Variants in IQGAP2 observed in about 807,000 individuals in gnomAD.
IQGAP2 encodes the protein IQ motif containing GTPase activating protein 2.
A neutral mutation model predicts 201.3 loss-of-function variants in IQGAP2; 173 were observed. The ratio of observed to expected loss-of-function variants is 0.86; its 90% CI spans 0.76 to 0.98. The LOEUF is 0.98. Among genes scored for constraint, IQGAP2 ranks in the 50% least tolerant of loss-of-function variants. IQGAP2 has a pLI of 0.00. For synonymous variants in IQGAP2, 675 were observed against 673.9 expected, an observed-to-expected ratio of 1.00 and a Z score of -0.03; for missense variants, 1,687 against 1,864.8, an observed-to-expected ratio of 0.90 and a Z score of 1.76.
intron 1 of IQGAP2, among the ~76,000 whole-genome samples, chr5:76,450,277 C>G (rs751002875): frequency 6.6e-6 from 1 of 152,166 alleles, no homozygotes; most frequent in Non-Finnish European, 1.5e-5. Context: ...TCTTGCCAAC[C>G]CAACTCCCTT....
chr5:76,509,984 C>CTTTTTTTTTTTTTTTTTTTTTTTTTTTT (rs11331690), intron 2 of IQGAP2, among the ~76,000 whole-genome samples: 1 of 138,054 alleles, frequency 7.2e-6, no homozygotes, highest in African/African-American at 2.7e-5. Context: ...AATTTTCTTT[C>CTTTTTTTTTTTTTTTTTTTTTTTTTTTT]TTTTTTTTTT....
At chr5:76,647,886 C>T (rs990607455) in intron 17 of IQGAP2, among the ~76,000 whole-genome samples, 7 of 151,802 alleles carry the variant, frequency 4.6e-5, no homozygotes, top group East Asian at 1.9e-4. Flanking sequence ...ACCTAGGCAG[C>T]AAAGCCTGAA....
At chr5:76,459,240 TGTG>T (rs1754283806) in intron 1 of IQGAP2, among the ~76,000 whole-genome samples, 2 of 152,286 alleles carry the variant, frequency 1.3e-5, no homozygotes, top group South Asian at 4.1e-4. Context: ...TGGAGGCAGT[TGTG>T]GGCAGAGGCC....
chr5:76,620,835 G>A (rs772580250), intron 13 of IQGAP2, among the ~76,000 whole-genome samples: 20 of 152,176 alleles, frequency 1.3e-4, no homozygotes, highest in Non-Finnish European at 2.8e-4. Flanking sequence ...TTAAAAGATA[G>A]AAACACATCA....
At chr5:76,559,678 C>T (rs1481069222) in intron 2 of IQGAP2, among the ~76,000 whole-genome samples, 1 of 152,152 alleles carries the variant, frequency 6.6e-6, no homozygotes, top group Non-Finnish European at 1.5e-5. Flanking sequence ...CCAATAATGT[C>T]GTTTCATTCG....
At chr5:76,447,075 A>T (rs1561377863) in intron 1 of IQGAP2, among the ~76,000 whole-genome samples, 1 of 151,818 alleles carries the variant, frequency 6.6e-6, no homozygotes, top group South Asian at 2.1e-4. Flanking sequence ...GCATAGCCCA[A>T]TTCAGCAGGA....
intron 12 of IQGAP2, among the ~76,000 whole-genome samples, chr5:76,610,096 ATATATATATATATATATATTTTTTTTTT>A (rs1561506124): frequency 3.5e-4 from 4 of 11,494 alleles, no homozygotes; most frequent in Middle Eastern, 0.05. Context: ...ATATATATAT[ATATATATATATATATATATTTTTTTTTT>A]TTTTTTTTTT....
intron 34 of IQGAP2, 115 bp downstream of exon 34, chr5:76,701,328 G>A: frequency 4.2e-6 from 4 of 947,376 alleles, no homozygotes; most frequent in Non-Finnish European, 6.6e-6. Context: ...TGGGTGACAA[G>A]GGAAGAATAC....
At chr5:76,404,754 T>C (rs1382948652) in intron 1 of IQGAP2, among the ~76,000 whole-genome samples, 1 of 152,258 alleles carries the variant, frequency 6.6e-6, no homozygotes, top group Non-Finnish European at 1.5e-5. Flanking sequence ...GACTACAGCC[T>C]CTGTACTCTA....
chr5:76,579,795 CTTAG>C (rs1457974452), intron 5 of IQGAP2, among the ~76,000 whole-genome samples: 2 of 152,106 alleles, frequency 1.3e-5, no homozygotes, highest in African/African-American at 2.4e-5. Context: ...CCTGCCTCCA[CTTAG>C]TTAGTGGATG....
chr5:76,572,280 C>T (rs907335557), intron 4 of IQGAP2, among the ~76,000 whole-genome samples: 35 of 147,712 alleles, frequency 2.4e-4, no homozygotes, highest in African/African-American at 7.5e-4. Context: ...TTGGCACAAT[C>T]TCGGCTCACT....
intron 1 of IQGAP2, among the ~76,000 whole-genome samples, chr5:76,404,188 C>T (rs903234976): frequency 3.3e-5 from 5 of 152,148 alleles, no homozygotes; most frequent in African/African-American, 1.2e-4. Flanking sequence ...CTTTCCCCCC[C>T]GCTCCCCTCG....
intron 30 of IQGAP2, among the ~76,000 whole-genome samples, chr5:76,691,985 C>T (rs1746299947): frequency 6.6e-6 from 1 of 152,196 alleles, no homozygotes; most frequent in African/African-American, 2.4e-5. Context: ...AAAAATTAGT[C>T]ATTCAGTGAT....
At chr5:76,706,707 C>T (rs547940485) in intron 35 of IQGAP2, among the ~76,000 whole-genome samples, 41 of 152,258 alleles carry the variant, frequency 2.7e-4, no homozygotes, top group East Asian at 7.7e-4. Context: ...TTAACATTTT[C>T]GATTAAAAAT....
At chr5:76,464,108 A>G (rs1754642650) in intron 2 of IQGAP2, among the ~76,000 whole-genome samples, 1 of 152,120 alleles carries the variant, frequency 6.6e-6, no homozygotes, top group Admixed American at 6.6e-5. Flanking sequence ...TCGGCTCCCA[A>G]AGTGCTGGGA....
At chr5:76,567,050 G>A (rs1389332556) in intron 3 of IQGAP2, among the ~76,000 whole-genome samples, 3 of 152,172 alleles carry the variant, frequency 2.0e-5, no homozygotes, top group Non-Finnish European at 4.4e-5. Context: ...CTTGATAATT[G>A]TAGGTTTATA....
intron 2 of IQGAP2, among the ~76,000 whole-genome samples, chr5:76,535,312 G>A (rs936899094): frequency 3.3e-5 from 5 of 152,038 alleles, no homozygotes; most frequent in African/African-American, 7.2e-5. Context: ...GCCTTTATTG[G>A]ATTTGAAAGT....
intron 5 of IQGAP2, among the ~76,000 whole-genome samples, chr5:76,587,722 G>A (rs1451214958): frequency 2.0e-5 from 3 of 151,940 alleles, no homozygotes; most frequent in Non-Finnish European, 4.4e-5. Flanking sequence ...GGTGGCAGAG[G>A]TGGGTGGTCA....
chr5:76,447,427 C>T (rs1255229992), intron 1 of IQGAP2, among the ~76,000 whole-genome samples: 1 of 152,150 alleles, frequency 6.6e-6, no homozygotes, highest in Admixed American at 6.5e-5. Flanking sequence ...CCTTTGGGTC[C>T]CCTCCCATTT....
Sources: allele counts gnomAD v4.1 joint callset (sites outside exome capture counted in the v4.1 genomes callset), GRCh38; gene constraint gnomAD v4.1.1; transcripts MANE v1.5; gene names NCBI Gene and HGNC (gene_info 2026-07-23, HGNC 2026-07-21).